Variants in ZNF33A observed in about 807,000 individuals in gnomAD.
ZNF33A encodes zinc finger protein 33A.
A neutral mutation model predicts 15.9 loss-of-function variants in ZNF33A; 9 were observed. The ratio of observed to expected loss-of-function variants is 0.57; its 90% CI spans 0.34 to 0.99. The LOEUF is 0.99. ZNF33A is among the 50% of genes least tolerant of loss of function. ZNF33A has a pLI of 0.02. For missense variants in ZNF33A, 843 were observed against 941.6 expected, an observed-to-expected ratio of 0.90 and a Z score of 1.37; for synonymous variants, 294 against 324.2, an observed-to-expected ratio of 0.91 and a Z score of 1.00.
rs2480524 is a variant in ZNF33A, at chr10:38,058,601, A to C, written c.*2041A>C. On this transcript the variant is annotated 3_prime_UTR_variant, in exon 5 of 5. Coordinates refer to ENST00000432900, the MANE Select transcript of ZNF33A (RefSeq NM_006954.2). ...CCTGGTCAACATGGTGAAACCCCCT[A>C]TCTACTAAAAATACAAAAAATTAGC... 0.06 allele frequency: 9,119 copies of C among 152,112 alleles called. 351 individuals carry two copies. The highest frequency in any genetic ancestry group is 0.095 in the Middle Eastern group (28 of 294). 9.4% of individuals were successfully genotyped at this position (152,112 alleles called of 1,614,324 possible).
In ZNF33A at chr10:38,056,187, C is replaced by T. The variant is rs146461823; in HGVS notation, c.2063C>T (p.Thr688Met). Residue 688 changes from threonine to methionine, a missense_variant, in exon 5 of 5, where the codon ACG becomes ATG. By Grantham distance (81) the Thr-to-Met change is moderately conservative. Transcript: ENST00000432900. The part of the protein sequence containing the change: ...SGLIFHERKH[T>M]GEKPYECNEC... Reference sequence around the variant, plus strand: ...CTTATTTTCCATGAGAGAAAGCACACGGGGGAGAAACCCTATGAATGCAAT... The same window carrying T: ...CTTATTTTCCATGAGAGAAAGCACATGGGGGAGAAACCCTATGAATGCAAT... The T allele has an allele frequency of 7.1e-5, 114 of 1,613,960 alleles. No individual in the cohort carries two copies. Among genetic ancestry groups the T allele is most frequent in the African/African-American group, 6.3e-4 (47 of 74,912 alleles).
At position 38,056,329 on chromosome 10, in the gene ZNF33A, A is replaced by C; in HGVS notation, c.2205A>C (p.Glu735Asp). ...ECGKIFYRKS[E>D]LAQHQRSHTG... is the part of the protein sequence containing the mutation. ...GAAAAATCTTTTACCGTAAATCGGAACTTGCTCAACATCAGAGATCACATA... is the reference window on the plus strand; with the variant it reads ...GAAAAATCTTTTACCGTAAATCGGACCTTGCTCAACATCAGAGATCACATA... Residue 735 changes from glutamate to aspartate, a missense_variant, in exon 5 of 5, where the codon GAA (glutamate) becomes GAC (aspartate). Physicochemically the swap from Glu to Asp is conservative, Grantham distance 45. Coordinates refer to ENST00000432900, the MANE Select transcript of ZNF33A (RefSeq NM_006954.2). The C allele has an allele frequency of 1.9e-6, 3 of 1,614,154 alleles. No homozygotes were observed. Among genetic ancestry groups the C allele is most frequent in the Non-Finnish European group, 1.7e-6 (2 of 1,179,998 alleles).
At chr10:38,015,340 T>C (rs1590449930) in intron 2 of ZNF33A, among the ~76,000 whole-genome samples, 3 of 151,374 alleles carry the variant, frequency 2.0e-5, no homozygotes, top group Non-Finnish European at 4.4e-5. Context: ...GTTTTGCTCT[T>C]GTTACCCAGG....
chr10:38,058,937 C>T lies in ZNF33A; in HGVS notation c.*2377C>T, dbSNP rs566422642. On this transcript the variant is annotated 3_prime_UTR_variant, in exon 5 of 5. Coordinates refer to ENST00000432900, the MANE Select transcript of ZNF33A (RefSeq NM_006954.2). Reference sequence around the variant, plus strand: ...AACTCATTTTGTGAGGCCAGTATTACCCTAATAGCAAAACCAGGCAAAGAT... The same window carrying T: ...AACTCATTTTGTGAGGCCAGTATTATCCTAATAGCAAAACCAGGCAAAGAT... 3 of 152,280 alleles carry T rather than the reference C, an allele frequency of 2.0e-5. No individual in the cohort carries two copies. In the South Asian group the frequency reaches 6.2e-4, roughly 32 times the overall value. The allele number at this position is 152,280 out of a possible 1,614,324, so 9.4% of individuals were successfully genotyped here.
At chr10:38,035,646 T>C (rs2065417119) in intron 4 of ZNF33A, among the ~76,000 whole-genome samples, 1 of 152,286 alleles carries the variant, frequency 6.6e-6, no homozygotes, top group East Asian at 1.9e-4. Flanking sequence ...TTTACATTTG[T>C]AATGCAATTA....
At chr10:38,046,722 T>A (rs1228984726) in intron 4 of ZNF33A, among the ~76,000 whole-genome samples, 2 of 152,166 alleles carry the variant, frequency 1.3e-5, no homozygotes, top group East Asian at 3.9e-4. Context: ...ATATTAGAAT[T>A]AACTGACAAG....
chr10:38,066,487 C>T (rs1307620509), downstream of ZNF33A, among the ~76,000 whole-genome samples: 2 of 151,636 alleles, frequency 1.3e-5, no homozygotes, highest in East Asian at 2.0e-4. Context: ...TTCCTGACCT[C>T]GTGATCCACC....
rs1323949492 is a variant in ZNF33A, at chr10:38,055,432, A to G, written c.1308A>G (p.Thr436=). 3 of 1,614,022 alleles carry G rather than the reference A, an allele frequency of 1.9e-6. No homozygotes were observed. The African/African-American group carries it at 4.0e-5, about 22-fold the overall frequency. The change falls in exon 5 of 5, where the codon ACA becomes ACG. Residue 436 remains threonine (T), a synonymous_variant. Transcript: ENST00000432900. ...TCACTAAACATCAGAGAACACACAC[A>G]GGGCTGAAACCCTATGAATGTTATG... The part of the protein sequence containing the change: ...SDLTKHQRTH[T]GLKPYECYEC...
intron 4 of ZNF33A, among the ~76,000 whole-genome samples, chr10:38,037,009 C>T (rs2065480778): frequency 6.6e-6 from 1 of 152,000 alleles, no homozygotes. Context: ...CATTATTAGC[C>T]AATATTTTTC....
At chr10:38,034,291 G>T (rs2065343882) in intron 4 of ZNF33A, among the ~76,000 whole-genome samples, 1 of 152,102 alleles carries the variant, frequency 6.6e-6, no homozygotes, top group African/African-American at 2.4e-5. Context: ...CCCTTCCAGG[G>T]CACCATATTA....
intron 4 of ZNF33A, among the ~76,000 whole-genome samples, chr10:38,027,219 C>A (rs1011855074): frequency 6.6e-6 from 1 of 151,706 alleles, no homozygotes; most frequent in African/African-American, 2.4e-5. Context: ...TTATGTTGAA[C>A]CACACAGGCA....
intron 4 of ZNF33A, among the ~76,000 whole-genome samples, chr10:38,018,465 G>A (rs2064570046): frequency 6.6e-6 from 1 of 152,214 alleles, no homozygotes; most frequent in Admixed American, 6.5e-5. Context: ...GAGGGAGACA[G>A]CTAGAGTCCA....
upstream of ZNF33A, chr10:38,010,598 GTTTCCA>G (rs767191245): frequency 2.8e-6 from 3 of 1,075,424 alleles, no homozygotes; most frequent in Non-Finnish European, 4.3e-6. Context: ...GGGAAAGGTA[GTTTCCA>G]GGTAGGGCGC....
chr10:38,038,333 G>A (rs145412011), intron 4 of ZNF33A, among the ~76,000 whole-genome samples: 136 of 152,088 alleles, frequency 8.9e-4, no homozygotes, highest in African/African-American at 2.8e-3. Context: ...ACCTCCTGAC[G>A]TCAGGTGATC....
Position 38,056,712 on chromosome 10 carries a change from G to T in ZNF33A, c.*152G>T. 2.4e-6 allele frequency: 3 copies of T among 1,251,398 alleles called. No individual in the cohort carries two copies. Among genetic ancestry groups the T allele is most frequent in the Non-Finnish European group, 3.0e-6 (3 of 997,992 alleles). 77.5% of individuals were successfully genotyped at this position (1,251,398 alleles called of 1,614,324 possible). ...GCATAACACCTTACAGATTTTTTTT[G>T]AATTTGTGAAAGTTTTTGGCAAAAA... On this transcript the variant is annotated 3_prime_UTR_variant, in exon 5 of 5. Transcript: ENST00000432900.
At position 38,041,974 on chromosome 10, in the gene ZNF33A, A is replaced by G. The variant is rs374918828; in HGVS notation, c.251-12401A>G. Reference sequence around the variant, plus strand: ...TTAAGTTTCCTCCCCTTGCCCCCACACCTCAACAGGCCCCAGTGTGTGTTG... The same window carrying G: ...TTAAGTTTCCTCCCCTTGCCCCCACGCCTCAACAGGCCCCAGTGTGTGTTG... On this transcript the variant is annotated intron_variant, in intron 4 of 4. Transcript: ENST00000432900. Among the ~76,000 whole-genome samples, 49 of 151,976 alleles carry G rather than the reference A, an allele frequency of 3.2e-4. 1 individual carries two copies. The East Asian group carries it at 5.6e-3, about 17-fold the overall frequency.
chr10:38,051,377 A>G (rs1464505150), intron 4 of ZNF33A, among the ~76,000 whole-genome samples: 1 of 152,178 alleles, frequency 6.6e-6, no homozygotes, highest in African/African-American at 2.4e-5. Context: ...TATTGTCACA[A>G]CGTATAAAGA....
At chr10:38,028,142 C>T (rs2065058819) in intron 4 of ZNF33A, among the ~76,000 whole-genome samples, 1 of 151,894 alleles carries the variant, frequency 6.6e-6, no homozygotes, top group Admixed American at 6.6e-5. Context: ...GTGGTATGCG[C>T]TTGTGGTTCC....
At chr10:38,051,341 G>A (rs2066194795) in intron 4 of ZNF33A, among the ~76,000 whole-genome samples, 1 of 152,068 alleles carries the variant, frequency 6.6e-6, no homozygotes, top group South Asian at 2.1e-4. Context: ...GTGCAACAAT[G>A]TATCAGAAAT....
Sources: allele counts gnomAD v4.1 joint callset (sites outside exome capture counted in the v4.1 genomes callset), GRCh38; gene constraint gnomAD v4.1.1; transcripts MANE v1.5; gene names NCBI Gene and HGNC (gene_info 2026-07-23, HGNC 2026-07-21).